The following SLF1 variants were observed in gnomAD, a reference collection of about 807,000 sequenced individuals.
The protein encoded by SLF1 is SMC5/6 complex localization factor 1.
In SLF1, 105 loss-of-function variants were observed where a neutral mutation model predicts 123.0. The ratio of observed to expected loss-of-function variants is 0.85; its 90% CI spans 0.73 to 1.00. The LOEUF (loss-of-function observed/expected upper bound fraction) is 1.00, where lower values mean the gene tolerates loss of function less well. Among genes scored for constraint, SLF1 ranks in the 50% least tolerant of loss-of-function variants. The pLI is 0.00. For missense variants in SLF1, 1,239 were observed against 1,223.0 expected (o/e 1.01, Z -0.20); for synonymous variants, 434 against 406.6 (o/e 1.07, Z -0.81).
At chr5:94,685,222 G>A (rs1016785252) in intron 15 of SLF1, among the ~76,000 whole-genome samples, 1 of 152,150 alleles carries the variant, frequency 6.6e-6, no homozygotes, top group African/African-American at 2.4e-5. Flanking sequence ...TGAATAGAGA[G>A]GCCAGCTTTT....
At chr5:94,635,445 A>G (rs1745667319) in intron 4 of SLF1, among the ~76,000 whole-genome samples, 1 of 149,096 alleles carries the variant, frequency 6.7e-6, no homozygotes, top group South Asian at 2.1e-4. Context: ...TCGGTGGGTA[A>G]GGAACTTACT....
intron 14 of SLF1, among the ~76,000 whole-genome samples, chr5:94,671,656 T>G (rs1383908620): frequency 6.6e-6 from 1 of 151,384 alleles, no homozygotes; most frequent in Non-Finnish European, 1.5e-5. Flanking sequence ...TTTAATTTTT[T>G]TTTTTTTTTA....
intron 9 of SLF1, among the ~76,000 whole-genome samples, chr5:94,658,284 G>A (rs1748669843): frequency 6.6e-6 from 1 of 150,804 alleles, no homozygotes; most frequent in African/African-American, 2.4e-5. Context: ...GCTTCCAATT[G>A]TAGGACTTGC....
At chr5:94,674,908 T>C (rs933878544) in intron 14 of SLF1, among the ~76,000 whole-genome samples, 1 of 152,256 alleles carries the variant, frequency 6.6e-6, no homozygotes, top group Non-Finnish European at 1.5e-5. Flanking sequence ...AGCTAGTTTA[T>C]ATTAATAGAT....
chr5:94,654,819 TTATA>T (rs1284321599), intron 9 of SLF1, 67 bp downstream of exon 9: 5 of 1,187,180 alleles, frequency 4.2e-6, no homozygotes, highest in Non-Finnish European at 5.6e-6. Context: ...CAAAATATAA[TTATA>T]TATACATATA....
At chr5:94,692,803 G>T (rs1753180287) in intron 20 of SLF1, among the ~76,000 whole-genome samples, 1 of 152,150 alleles carries the variant, frequency 6.6e-6, no homozygotes, top group Non-Finnish European at 1.5e-5. Flanking sequence ...CTGTTATGCA[G>T]GGGTTTTGTG....
At chr5:94,634,900 T>G (rs1481277967) in intron 4 of SLF1, among the ~76,000 whole-genome samples, 1 of 152,218 alleles carries the variant, frequency 6.6e-6, no homozygotes, top group African/African-American at 2.4e-5. Context: ...CAGGTTGTTT[T>G]CTTGCTATTG....
At chr5:94,668,178 T>A (rs1750034437) in intron 12 of SLF1, among the ~76,000 whole-genome samples, 1 of 152,038 alleles carries the variant, frequency 6.6e-6, no homozygotes. Flanking sequence ...AATCTCACTG[T>A]CACCAAGGAC....
chr5:94,678,625 A>G (rs1388828452), intron 14 of SLF1, 183 bp from the exon 15 acceptor site: 2 of 401,122 alleles, frequency 5.0e-6, no homozygotes, highest in Non-Finnish European at 8.6e-6. Flanking sequence ...TGTCATGTGG[A>G]GAGAGAGAGA....
chr5:94,662,367 C>T lies in SLF1; in HGVS notation c.1209+16C>T. ...CAACGTAGAGGTAAGGGGCTTGGAG[C>T]AGCATTGGTGATGGGGGCAAAGAAG... On this transcript the variant is annotated intron_variant, in intron 10 of 20. Coordinates refer to ENST00000265140, the MANE Select transcript of SLF1 (RefSeq NM_032290.4). 5 of 1,531,958 alleles carry T rather than the reference C, an allele frequency of 3.3e-6. No homozygotes were observed. The highest frequency in any genetic ancestry group is 4.4e-6 in the Non-Finnish European group (5 of 1,136,598). The allele number at this position is 1,531,958 out of a possible 1,614,324, so 94.9% of individuals were successfully genotyped here.
At chr5:94,681,653 C>G (rs547222344) in intron 15 of SLF1, among the ~76,000 whole-genome samples, 15 of 150,274 alleles carry the variant, frequency 1.0e-4, no homozygotes, top group South Asian at 6.4e-4. Context: ...CCCCCTCCCC[C>G]CAACCCACAA....
chr5:94,639,524 T>C (rs901453739), intron 4 of SLF1, among the ~76,000 whole-genome samples: 1 of 152,188 alleles, frequency 6.6e-6, no homozygotes, highest in South Asian at 2.1e-4. Flanking sequence ...TTGCAAGTAG[T>C]GCAGAAACCT....
intron 18 of SLF1, 48 bp from the exon 19 acceptor site, chr5:94,691,516 G>T: frequency 6.8e-7 from 1 of 1,475,680 alleles, no homozygotes; most frequent in Admixed American, 1.9e-5. Flanking sequence ...ATTTTTTTTA[G>T]TTGATATCTT....
At chr5:94,681,378 C>A (rs1278103162) in intron 15 of SLF1, among the ~76,000 whole-genome samples, 1 of 152,216 alleles carries the variant, frequency 6.6e-6, no homozygotes, top group Non-Finnish European at 1.5e-5. Context: ...GTGATCTGCC[C>A]ACCTCGGCTT....
At chr5:94,631,649 C>T (rs1745207677) in intron 4 of SLF1, among the ~76,000 whole-genome samples, 1 of 152,154 alleles carries the variant, frequency 6.6e-6, no homozygotes, top group Admixed American at 6.5e-5. Context: ...TGTTTATTCA[C>T]ATATTGGTAG....
rs1193652591 is a variant in SLF1, at chr5:94,628,802, A to G, written c.1-9A>G. The G allele has an allele frequency of 2.2e-5, 33 of 1,514,060 alleles. No individual in the cohort carries two copies. The highest frequency in any genetic ancestry group is 2.9e-5 in the Non-Finnish European group (33 of 1,125,080). The allele number at this position is 1,514,060 out of a possible 1,614,324, so 93.8% of individuals were successfully genotyped here. A position where few individuals can be genotyped will look rare whatever the true frequency, so the allele number is the denominator to read the frequency against. On this transcript the variant is annotated splice_polypyrimidine_tract_variant and intron_variant, in intron 1 of 20. Coordinates refer to ENST00000265140, the MANE Select transcript of SLF1 (RefSeq NM_032290.4). ...CACACATTATCTTCTGTATGTTTGT[A>G]TTTGTTAGATGGAAGATGGTACCCC... is the stretch of plus-strand genomic sequence containing the variant.
intron 1 of SLF1, among the ~76,000 whole-genome samples, chr5:94,619,905 CAG>C (rs1791539176): frequency 6.6e-6 from 1 of 152,058 alleles, no homozygotes. Flanking sequence ...CTTTCTTTGA[CAG>C]AGCCTTGCTC....
chr5:94,682,117 C>T (rs1751865328), intron 15 of SLF1, among the ~76,000 whole-genome samples: 1 of 152,144 alleles, frequency 6.6e-6, no homozygotes, highest in Non-Finnish European at 1.5e-5. Context: ...CAATTTAAAT[C>T]TCATCTAAAG....
chr5:94,639,944 TC>T (rs1203485351), intron 4 of SLF1, among the ~76,000 whole-genome samples: 6 of 151,940 alleles, frequency 3.9e-5, no homozygotes, highest in Non-Finnish European at 2.9e-5. Flanking sequence ...CATTTGTTCT[TC>T]TATCCTTTTT....
Sources: allele counts gnomAD v4.1 joint callset (sites outside exome capture counted in the v4.1 genomes callset), GRCh38; gene constraint gnomAD v4.1.1; transcripts MANE v1.5; gene names NCBI Gene and HGNC (gene_info 2026-07-23, HGNC 2026-07-21).